Variants in LGSN observed in about 807,000 individuals in gnomAD.
The protein encoded by LGSN is lengsin, lens protein with glutamine synthetase domain.
LGSN carries 21 observed loss-of-function variants against 19.5 expected under a neutral mutation model. The ratio of observed to expected loss-of-function variants is 1.07; its 90% CI spans 0.76 to 1.55. The LOEUF (loss-of-function observed/expected upper bound fraction) is 1.55, where lower values mean the gene tolerates loss of function less well. LGSN is among the 40% of genes most tolerant of loss of function. The pLI, the probability that LGSN is intolerant of heterozygous loss-of-function variation, is 0.00. For synonymous variants in LGSN, 257 were observed against 215.6 expected (o/e 1.19, Z -1.68); for missense variants, 673 against 608.5 (o/e 1.11, Z -1.12).
intron 1 of LGSN, among the ~76,000 whole-genome samples, chr6:63,309,612 T>C (rs879325968): frequency 6.6e-6 from 1 of 152,224 alleles, no homozygotes; most frequent in Admixed American, 6.5e-5. Flanking sequence ...AAATTGTATG[T>C]ATGTATACCA....
At chr6:63,464,531 A>AT in the LGSN span, among the ~76,000 whole-genome samples, 1,435 of 150,212 alleles carry the variant, frequency 9.6e-3, 15 homozygotes, top group African/African-American at 0.032. Context: ...AGTATGGAAA[A>AT]AATATATATA....
chr6:63,449,301 C>T, the LGSN span, among the ~76,000 whole-genome samples: 1 of 152,020 alleles, frequency 6.6e-6, no homozygotes, highest in African/African-American at 2.4e-5. Context: ...GGCTCCTGCA[C>T]TTTGGGAGGC....
chr6:63,549,502 T>A, the LGSN span: 1 of 754,064 alleles, frequency 1.3e-6, no homozygotes, highest in South Asian at 1.4e-5. Flanking sequence ...TTCTTTCCTT[T>A]CGGCAGGAGG....
At chr6:63,495,469 T>TGTTTTTTTG in the LGSN span, among the ~76,000 whole-genome samples, 9 of 119,300 alleles carry the variant, frequency 7.5e-5, no homozygotes, top group African/African-American at 3.0e-4. Context: ...TTTTTTTTTT[T>TGTTTTTTTG]TTTTTTTGAG....
the LGSN span, among the ~76,000 whole-genome samples, chr6:63,490,516 G>A: frequency 2.0e-5 from 3 of 152,102 alleles, no homozygotes; most frequent in African/African-American, 7.2e-5. Flanking sequence ...GCATTAGCCA[G>A]AGTTCTCCAA....
chr6:63,303,492 G>C (rs975244329), intron 1 of LGSN, among the ~76,000 whole-genome samples: 1 of 152,132 alleles, frequency 6.6e-6, no homozygotes, highest in Non-Finnish European at 1.5e-5. Context: ...GAATTGTCTT[G>C]GTCAAAGGTA....
the LGSN span, among the ~76,000 whole-genome samples, chr6:63,348,741 C>CT: frequency 0.029 from 3,085 of 106,598 alleles, 41 homozygotes; most frequent in South Asian, 0.051. Flanking sequence ...AAGATTTTTA[C>CT]TTTTTTTTTT....
chr6:63,470,485 A>G, the LGSN span, among the ~76,000 whole-genome samples: 3 of 151,662 alleles, frequency 2.0e-5, no homozygotes, highest in African/African-American at 4.8e-5. Context: ...TCAAAAAAAA[A>G]AAAGAAAGAA....
the LGSN span, among the ~76,000 whole-genome samples, chr6:63,565,125 A>G: frequency 2.6e-5 from 4 of 151,574 alleles, no homozygotes; most frequent in African/African-American, 9.7e-5. Context: ...CAATCCTCCC[A>G]CCTCAACCTC....
the LGSN span, among the ~76,000 whole-genome samples, chr6:63,565,616 A>T: frequency 6.6e-6 from 1 of 152,198 alleles, no homozygotes; most frequent in Non-Finnish European, 1.5e-5. Flanking sequence ...GACTGTTTCT[A>T]TATGTCTGAC....
the LGSN span, among the ~76,000 whole-genome samples, chr6:63,462,132 C>T: frequency 6.6e-6 from 1 of 152,180 alleles, no homozygotes; most frequent in African/African-American, 2.4e-5. Flanking sequence ...GAGGCAAAGC[C>T]TGAACTCTCT....
chr6:63,441,780 A>G, the LGSN span: 1 of 360,334 alleles, frequency 2.8e-6, no homozygotes, highest in South Asian at 2.4e-5. Flanking sequence ...CTCCCCCGGA[A>G]GCACACTCGT....
the LGSN span, among the ~76,000 whole-genome samples, chr6:63,513,805 C>CG: frequency 6.9e-6 from 1 of 145,076 alleles, no homozygotes; most frequent in Non-Finnish European, 1.5e-5. Flanking sequence ...CAGCTGCTCG[C>CG]GGGGCTGAGG....
At chr6:63,336,823 T>C in the LGSN span, among the ~76,000 whole-genome samples, 434 of 152,026 alleles carry the variant, frequency 2.9e-3, 3 homozygotes, top group African/African-American at 9.9e-3. Context: ...GGGACTCGAA[T>C]TCCCAACCTC....
the LGSN span, among the ~76,000 whole-genome samples, chr6:63,481,116 G>C: frequency 6.6e-6 from 1 of 151,796 alleles, no homozygotes; most frequent in East Asian, 1.9e-4. Context: ...TAACTCAGGA[G>C]TGAAAAACCA....
chr6:63,432,640 C>T, the LGSN span, among the ~76,000 whole-genome samples: 2 of 151,152 alleles, frequency 1.3e-5, no homozygotes, highest in Admixed American at 6.6e-5. Context: ...TGCAGTGAGC[C>T]GAGATCGCAC....
At chr6:63,289,779 A>G (rs2127385641) in intron 2 of LGSN, among the ~76,000 whole-genome samples, 1 of 152,334 alleles carries the variant, frequency 6.6e-6, no homozygotes, top group African/African-American at 2.4e-5. Context: ...TTGGGCTTTC[A>G]GAAATACCAA....
At chr6:63,347,055 C>T in the LGSN span, among the ~76,000 whole-genome samples, 4 of 152,172 alleles carry the variant, frequency 2.6e-5, no homozygotes, top group African/African-American at 9.7e-5. Flanking sequence ...ACAAGAGGCA[C>T]TCCTATCATC....
At chr6:63,566,907 TCAA>T in the LGSN span, among the ~76,000 whole-genome samples, 1 of 152,224 alleles carries the variant, frequency 6.6e-6, no homozygotes, top group African/African-American at 2.4e-5. Flanking sequence ...CTTTATCATT[TCAA>T]CAATGCTTAC....
Sources: gnomAD v4.1 joint callset for allele counts (sites outside exome capture counted in the v4.1 genomes callset) on GRCh38, gnomAD v4.1.1 for gene constraint, MANE v1.5 for transcripts, NCBI Gene and HGNC (gene_info 2026-07-23, HGNC 2026-07-21) for gene names.